The following AMMECR1L variants were observed in gnomAD, a reference collection of about 807,000 sequenced individuals.
The protein encoded by AMMECR1L is AMMECR1 like.
In AMMECR1L, 4 loss-of-function variants were observed where a neutral mutation model predicts 36.8. That is an observed-to-expected ratio of 0.11 (90% confidence interval 0.05 to 0.25). The LOEUF (loss-of-function observed/expected upper bound fraction) is 0.25. AMMECR1L is among the 10% of genes least tolerant of loss of function. The pLI, the probability that AMMECR1L is intolerant of heterozygous loss-of-function variation, is 1.00. For synonymous variants in AMMECR1L, 147 were observed against 148.0 expected, an observed-to-expected ratio of 0.99 and a Z score of 0.05; for missense variants, 232 against 392.1, an observed-to-expected ratio of 0.59 and a Z score of 3.45.
chr2:127,880,773 T>TAC (rs56950354), intron 2 of AMMECR1L, among the ~76,000 whole-genome samples: 38,569 of 148,776 alleles, frequency 0.26, 5,114 homozygotes, highest in Non-Finnish European at 0.31. Flanking sequence ...ACATACAGTA[T>TAC]ACACACACAC....
intron 2 of AMMECR1L, among the ~76,000 whole-genome samples, chr2:127,883,333 T>G (rs1441410533): frequency 6.6e-6 from 1 of 152,044 alleles, no homozygotes; most frequent in Non-Finnish European, 1.5e-5. Flanking sequence ...TTGACCTCGT[T>G]ATCCACCTGC....
chr2:127,881,015 A>G (rs940803200), intron 2 of AMMECR1L, among the ~76,000 whole-genome samples: 1 of 152,146 alleles, frequency 6.6e-6, no homozygotes. Context: ...AATTAGGTCA[A>G]CTATCACCTA....
chr2:127,867,282 A>T lies in AMMECR1L; in HGVS notation c.725-286T>A, dbSNP rs975267267. 1.0e-5 allele frequency: 10 copies of T among 985,460 alleles called. No individual in the cohort carries two copies. The African/African-American group carries it at 1.4e-4, about 14-fold the overall frequency. The allele number at this position is 985,460 out of a possible 1,614,324, so 61.0% of individuals were successfully genotyped here. A position where few individuals can be genotyped will look rare whatever the true frequency, so the allele number is the denominator to read the frequency against. On this transcript the variant is annotated intron_variant, in intron 6 of 7. Transcript: ENST00000272647. Reference sequence around the variant, plus strand: ...AGATGTTACCCCAGTATAATTATCTAGGAACAAACATGGTTCCAACTTAGA... The same window carrying T: ...AGATGTTACCCCAGTATAATTATCTTGGAACAAACATGGTTCCAACTTAGA...
In AMMECR1L at chr2:127,863,906, C is replaced by T. The variant is rs960319302; in HGVS notation, c.*1188G>A. ...TATGTCACATGAAAGTTTGAAAGAC[C>T]TAGAATAAAATGAGCTATTTGGAAA... On this transcript the variant is annotated 3_prime_UTR_variant, in exon 8 of 8. Transcript: ENST00000272647. The T allele has an allele frequency of 2.6e-5, 4 of 152,308 alleles. No individual in the cohort carries two copies. Among genetic ancestry groups the T allele is most frequent in the African/African-American group, 9.7e-5 (4 of 41,446 alleles). 9.4% of individuals were successfully genotyped at this position (152,308 alleles called of 1,614,324 possible). A position where few individuals can be genotyped will look rare whatever the true frequency, so the allele number is the denominator to read the frequency against.
chr2:127,877,036 CATAT>C (rs10568778), intron 2 of AMMECR1L, among the ~76,000 whole-genome samples: 33,905 of 142,084 alleles, frequency 0.24, 6,423 homozygotes, highest in African/African-American at 0.53. Flanking sequence ...TATATATATA[CATAT>C]ATATATATAT....
chr2:127,881,024 TA>T (rs1330144754), intron 2 of AMMECR1L, among the ~76,000 whole-genome samples: 1 of 152,206 alleles, frequency 6.6e-6, no homozygotes, highest in Non-Finnish European at 1.5e-5. Context: ...AACTATCACC[TA>T]AATTCACTTC....
At position 127,864,429 on chromosome 2, in the gene AMMECR1L, G is replaced by A. The variant is rs1690594957; in HGVS notation, c.*665C>T. ...TGCCAGAAAATCCAACTGAGAGTGGGATGAGGATGAAAATCTTCACGGCCT... is the reference window on the plus strand; with the variant it reads ...TGCCAGAAAATCCAACTGAGAGTGGAATGAGGATGAAAATCTTCACGGCCT... On this transcript the variant is annotated 3_prime_UTR_variant, in exon 8 of 8. Transcript: ENST00000272647. 6.6e-6 allele frequency: 1 copy of A among 152,574 alleles called. No individual in the cohort carries two copies. Among genetic ancestry groups the A allele is most frequent in the South Asian group, 2.1e-4 (1 of 4,822 alleles). The allele number at this position is 152,574 out of a possible 1,614,324, so 9.5% of individuals were successfully genotyped here. A position where few individuals can be genotyped will look rare whatever the true frequency, so the allele number is the denominator to read the frequency against.
intron 6 of AMMECR1L, among the ~76,000 whole-genome samples, chr2:127,868,906 G>A (rs1460660587): frequency 6.6e-6 from 1 of 152,048 alleles, no homozygotes; most frequent in East Asian, 1.9e-4. Context: ...TATATTTTTA[G>A]TAGAGACGGG....
chr2:127,872,271 C>G (rs1691012072), intron 3 of AMMECR1L, among the ~76,000 whole-genome samples: 1 of 151,664 alleles, frequency 6.6e-6, no homozygotes, highest in African/African-American at 2.4e-5. Context: ...CTCCTGGGCT[C>G]AAGCGATCCT....
At position 127,871,405 on chromosome 2, in the gene AMMECR1L, A is replaced by G. The variant is rs984506719; in HGVS notation, c.408-46T>C. On this transcript the variant is annotated intron_variant, in intron 3 of 7. Coordinates refer to ENST00000272647, the MANE Select transcript of AMMECR1L (RefSeq NM_001199140.2). The surrounding 1 kb of genome is among the most constrained non-coding windows in gnomAD (Gnocchi z 4.3). ...AACATTCTCCAGCCCCAAATTAATC[A>G]TGGATAAGAACAAAACCTTTTGGCT... 13 of 1,571,832 alleles carry G rather than the reference A, an allele frequency of 8.3e-6. No individual in the cohort carries two copies. In the Admixed American group the frequency reaches 2.1e-4, roughly 25 times the overall value.
At chr2:127,883,503 A>C (rs1412426644) in intron 2 of AMMECR1L, among the ~76,000 whole-genome samples, 1 of 152,146 alleles carries the variant, frequency 6.6e-6, no homozygotes, top group Non-Finnish European at 1.5e-5. Context: ...GCAAGGTGCC[A>C]CATTTTTCTG....
In AMMECR1L at chr2:127,873,566, A is replaced by G. The variant is rs867354656; in HGVS notation, c.407+262T>C. 7.1e-6 allele frequency: 7 copies of G among 985,354 alleles called. No individual in the cohort carries two copies. In the African/African-American group the frequency reaches 1.2e-4, roughly 17 times the overall value. The allele number at this position is 985,354 out of a possible 1,614,324, so 61.0% of individuals were successfully genotyped here. On this transcript the variant is annotated intron_variant, in intron 3 of 7. Coordinates refer to ENST00000272647, the MANE Select transcript of AMMECR1L (RefSeq NM_001199140.2). This position sits in a 1 kb window ranked among gnomAD's most constrained non-coding sequence, Gnocchi z 5.2. ...CCACTGCCATGTGAACCAACAGAAG[A>G]GCCAAGAATGAACTCACTTGATTTC...
chr2:127,866,456 A>G (rs1017955190), intron 7 of AMMECR1L, among the ~76,000 whole-genome samples: 1 of 152,254 alleles, frequency 6.6e-6, no homozygotes, highest in African/African-American at 2.4e-5. Flanking sequence ...GCCTCCTCCT[A>G]GAAGTATTCC....
At chr2:127,885,572 C>T (rs1413711059) in intron 1 of AMMECR1L, 2 of 975,930 alleles carry the variant, frequency 2.0e-6, no homozygotes, top group East Asian at 1.1e-4. Flanking sequence ...GCCCGCCCCT[C>T]CCCGGCAGTG....
rs1231405734 is a variant in AMMECR1L at position 127,869,592 on chromosome 2, G to A, written c.634-48C>T. 7.0e-7 allele frequency: 1 copy of A among 1,437,580 alleles called. No individual in the cohort carries two copies. Among genetic ancestry groups the A allele is most frequent in the East Asian group, 2.3e-5 (1 of 43,992 alleles). The allele number at this position is 1,437,580 out of a possible 1,614,324, so 89.1% of individuals were successfully genotyped here. The stretch of plus-strand genomic sequence containing the variant: ...GTAAATGGCATTTACTTACTCTAAT[G>A]GAACTTCAGTCCCCACATATAAATC... On this transcript the variant is annotated intron_variant, in intron 5 of 7. Transcript: ENST00000272647. The surrounding 1 kb of genome is among the most constrained non-coding windows in gnomAD (Gnocchi z 4.7).
intron 2 of AMMECR1L, among the ~76,000 whole-genome samples, chr2:127,882,932 G>C (rs10199941): frequency 1.1e-3 from 147 of 137,192 alleles, no homozygotes; most frequent in African/African-American, 3.7e-3. Flanking sequence ...TTAAAGAGAT[G>C]AAGTCTTGCT....
In AMMECR1L at chr2:127,885,926, G is replaced by T. The variant is rs1184196232; in HGVS notation, c.-265C>A. 19 of 986,624 alleles carry T rather than the reference G, an allele frequency of 1.9e-5. No individual in the cohort carries two copies. Among genetic ancestry groups the T allele is most frequent in the Non-Finnish European group, 2.3e-5 (19 of 830,542 alleles). The allele number at this position is 986,624 out of a possible 1,614,324, so 61.1% of individuals were successfully genotyped here. The stretch of plus-strand genomic sequence containing the variant: ...GGGCTCCCGAGAGAAGCTGGCCTGC[G>T]GGCGGGCCGGACGCGCTGCGCGGAC... On this transcript the variant is annotated 5_prime_UTR_variant, in exon 1 of 8. Coordinates refer to ENST00000272647, the MANE Select transcript of AMMECR1L (RefSeq NM_001199140.2).
rs371007852 is a variant in AMMECR1L, at chr2:127,869,015, G to A, written c.724+439C>T. The stretch of plus-strand genomic sequence containing the variant: ...TGGGATTATAGGAGTAAGCCACCAC[G>A]CCTGGCCGACTACTGAGTTCTTTAA... On this transcript the variant is annotated intron_variant, in intron 6 of 7. Transcript: ENST00000272647. The surrounding 1 kb of genome is among the most constrained non-coding windows in gnomAD (Gnocchi z 4.7). Among the ~76,000 whole-genome samples the A allele has an allele frequency of 7.9e-5, 12 of 152,232 alleles. No individual in the cohort carries two copies. Among genetic ancestry groups the A allele is most frequent in the East Asian group, 5.8e-4 (3 of 5,190 alleles).
At chr2:127,882,610 T>C (rs1275919778) in intron 2 of AMMECR1L, among the ~76,000 whole-genome samples, 1 of 152,222 alleles carries the variant, frequency 6.6e-6, no homozygotes, top group African/African-American at 2.4e-5. Context: ...CTTTTTGTTT[T>C]GGAGACAGGG....
Sources: allele counts gnomAD v4.1 joint callset (sites outside exome capture counted in the v4.1 genomes callset), GRCh38; gene constraint gnomAD v4.1.1; non-coding constraint Gnocchi (gnomAD v3.1); transcripts MANE v1.5; gene names NCBI Gene and HGNC (gene_info 2026-07-23, HGNC 2026-07-21).